ANKH: variants seen among roughly 807,000 people sequenced by gnomAD.
ANKH encodes the protein ANKH inorganic pyrophosphate transport regulator.
Under a neutral mutation model 49.0 loss-of-function variants are expected in ANKH, and 15 were observed. That is an observed-to-expected ratio of 0.31 (90% confidence interval 0.20 to 0.47). The LOEUF (loss-of-function observed/expected upper bound fraction) is 0.47. ANKH is among the 20% of genes least tolerant of loss of function. The pLI, the probability that ANKH is intolerant of heterozygous loss-of-function variation, is 1.00. For synonymous variants in ANKH, 273 were observed against 260.0 expected, an observed-to-expected ratio of 1.05 and a Z score of -0.48; for missense variants, 429 against 652.0, an observed-to-expected ratio of 0.66 and a Z score of 3.72.
chr5:14,764,249 G>A (rs761262548), intron 2 of ANKH, among the ~76,000 whole-genome samples: 1 of 152,114 alleles, frequency 6.6e-6, no homozygotes, highest in Non-Finnish European at 1.5e-5. Flanking sequence ...GCTGGCCAGT[G>A]ATTTGTTTTG....
intron 5 of ANKH, 99 bp downstream of exon 5, chr5:14,750,970 T>C (rs944403673): frequency 1.4e-6 from 2 of 1,479,092 alleles, no homozygotes; most frequent in African/African-American, 2.8e-5. Flanking sequence ...GCCAACTTCA[T>C]GTTTTGATGT....
At chr5:14,748,864 T>C (rs1040589556) in intron 6 of ANKH, among the ~76,000 whole-genome samples, 1 of 152,256 alleles carries the variant, frequency 6.6e-6, no homozygotes, top group African/African-American at 2.4e-5. Flanking sequence ...AAACCTGGAT[T>C]CTAACACTAG....
rs566037537 is a variant in ANKH, at chr5:14,830,675, G to C, written c.96+40677C>G. On this transcript the variant is annotated intron_variant, in intron 1 of 11. Transcript: ENST00000284268. Reference sequence around the variant, plus strand: ...TAAGATAGCACGGAGCTGCTTGAGAGCTCCAGGCTGCAGCTCTATTTTGTA... The same window carrying C: ...TAAGATAGCACGGAGCTGCTTGAGACCTCCAGGCTGCAGCTCTATTTTGTA... 3.7e-4 allele frequency among the ~76,000 whole-genome samples: 56 copies of C among 152,284 alleles called. 1 individual carries two copies. The highest frequency in any genetic ancestry group is 1.3e-3 in the African/African-American group (54 of 41,544).
chr5:14,848,508 T>C (rs1742031679), intron 1 of ANKH, among the ~76,000 whole-genome samples: 1 of 152,188 alleles, frequency 6.6e-6, no homozygotes, highest in Non-Finnish European at 1.5e-5. Flanking sequence ...CGGCTCGAGC[T>C]GAGCTTTTGC....
At chr5:14,801,290 C>T (rs1740560379) in intron 1 of ANKH, among the ~76,000 whole-genome samples, 1 of 152,130 alleles carries the variant, frequency 6.6e-6, no homozygotes, top group African/African-American at 2.4e-5. Context: ...TTCCCTATGA[C>T]CTCCCTAAAA....
At chr5:14,790,209 T>C (rs1299530796) in intron 1 of ANKH, among the ~76,000 whole-genome samples, 1 of 152,194 alleles carries the variant, frequency 6.6e-6, no homozygotes, top group African/African-American at 2.4e-5. Flanking sequence ...CCATAATTAC[T>C]TACTTCCATA....
intron 1 of ANKH, among the ~76,000 whole-genome samples, chr5:14,793,432 C>A (rs921971487): frequency 6.6e-6 from 1 of 152,040 alleles, no homozygotes; most frequent in Admixed American, 6.6e-5. Context: ...GGAGCTGTGC[C>A]CACGTTAAAC....
chr5:14,789,233 A>G (rs1740079800), intron 1 of ANKH, among the ~76,000 whole-genome samples: 1 of 151,962 alleles, frequency 6.6e-6, no homozygotes, highest in South Asian at 2.1e-4. Context: ...TGTCTCCAAA[A>G]ACAACAACAA....
chr5:14,744,165 G>A (rs956247614), intron 7 of ANKH, among the ~76,000 whole-genome samples: 11 of 152,228 alleles, frequency 7.2e-5, no homozygotes, highest in African/African-American at 2.4e-4. Context: ...CACAGTGTCT[G>A]CTCTCTCCAG....
At chr5:14,853,654 TG>T (rs60857471) in intron 1 of ANKH, among the ~76,000 whole-genome samples, 7,740 of 152,230 alleles carry the variant, frequency 0.051, 222 homozygotes, top group South Asian at 0.065. Flanking sequence ...GAAAGATGTG[TG>T]GGTTTTTTTT....
chr5:14,870,358 GTTTTAC>G (rs1211525080), intron 1 of ANKH: 1 of 152,128 alleles, frequency 6.6e-6, no homozygotes, highest in Admixed American at 6.6e-5. Context: ...CCTGAAAGCT[GTTTTAC>G]TTTTACAATG....
chr5:14,712,894 AC>A lies in ANKH; in HGVS notation c.1344del (p.Cys449AlafsTer24). 6.2e-7 allele frequency: 1 copy of A among 1,612,078 alleles called. No individual in the cohort carries two copies. Among genetic ancestry groups the A allele is most frequent in the East Asian group, 2.2e-5 (1 of 44,832 alleles). ...CTCACCTGCTTCCGGTAGACATAGC[AC>A]GCAGCGATGGCGACCATGGTGGATT... ...VGESTMVAIAACYVYRKQKKK... is the reference protein window; with the variant it reads ...VGESTMVAIAXCYVYRKQKKK... On this transcript the variant is annotated frameshift_variant, in exon 11 of 12. Coordinates refer to ENST00000284268, the MANE Select transcript of ANKH (RefSeq NM_054027.6). LOFTEE classifies it high-confidence loss of function.
rs978902631 is a variant in ANKH, at chr5:14,709,120, C to T, written c.*2077G>A. On this transcript the variant is annotated 3_prime_UTR_variant, in exon 12 of 12. Transcript: ENST00000284268. Reference sequence around the variant, plus strand: ...TGTTGGCCAGGCTGGTCTCAAACTCCTGACCTTAAGTGATCCACCCTCCTT... The same window carrying T: ...TGTTGGCCAGGCTGGTCTCAAACTCTTGACCTTAAGTGATCCACCCTCCTT... 2 of 152,184 alleles carry T rather than the reference C, an allele frequency of 1.3e-5. No individual in the cohort carries two copies. The highest frequency in any genetic ancestry group is 1.3e-4 in the Admixed American group (2 of 15,276). The allele number at this position is 152,184 out of a possible 1,614,324, so 9.4% of individuals were successfully genotyped here. A position where few individuals can be genotyped will look rare whatever the true frequency, so the allele number is the denominator to read the frequency against.
At chr5:14,729,552 C>T (rs1737929851) in intron 8 of ANKH, among the ~76,000 whole-genome samples, 2 of 152,018 alleles carry the variant, frequency 1.3e-5, no homozygotes, top group Admixed American at 6.6e-5. Flanking sequence ...CAGACAGGAC[C>T]CCAAACCTCT....
intron 8 of ANKH, chr5:14,741,480 GAA>G (rs1317813126): frequency 7.8e-6 from 2 of 256,412 alleles, no homozygotes; most frequent in Non-Finnish European, 7.6e-6. Flanking sequence ...ATTAAATTTG[GAA>G]AAGAGACAGG....
intron 8 of ANKH, among the ~76,000 whole-genome samples, chr5:14,726,905 AG>A (rs1664826287): frequency 6.6e-6 from 1 of 152,242 alleles, no homozygotes; most frequent in Admixed American, 6.5e-5. Flanking sequence ...TGTCCTCAGA[AG>A]GGTGCAAAGC....
intron 1 of ANKH, among the ~76,000 whole-genome samples, chr5:14,867,621 G>A (rs1223888611): frequency 4.0e-5 from 6 of 151,874 alleles, no homozygotes; most frequent in Non-Finnish European, 7.4e-5. Context: ...CTGCAGTGGC[G>A]CAATCTCGGC....
intron 1 of ANKH, among the ~76,000 whole-genome samples, chr5:14,838,129 C>G (rs826351): frequency 0.47 from 71,178 of 151,632 alleles, 16,998 homozygotes; most frequent in East Asian, 0.75. Flanking sequence ...GGGGGAAGGG[C>G]GGAGGGATAG....
chr5:14,711,145 C>G lies in ANKH; in HGVS notation c.*52G>C. On this transcript the variant is annotated 3_prime_UTR_variant, in exon 12 of 12. Transcript: ENST00000284268. The stretch of plus-strand genomic sequence containing the variant: ...CGATGGGAGAGGGAAGAGATGATGC[C>G]GAAGTGTCATCCTGACTGACTGTCC... 1 of 1,435,580 alleles carries G rather than the reference C, an allele frequency of 7.0e-7. No homozygotes were observed. Among genetic ancestry groups the G allele is most frequent in the Non-Finnish European group, 9.8e-7 (1 of 1,017,404 alleles). 88.9% of individuals were successfully genotyped at this position (1,435,580 alleles called of 1,614,324 possible).
Sources: gnomAD v4.1 joint callset for allele counts (sites outside exome capture counted in the v4.1 genomes callset) on GRCh38, gnomAD v4.1.1 for gene constraint, MANE v1.5 for transcripts, NCBI Gene and HGNC (gene_info 2026-07-23, HGNC 2026-07-21) for gene names.